Variants in PPFIA2 observed in about 807,000 individuals in gnomAD.
The protein encoded by PPFIA2 is liprin-alpha-2.
In PPFIA2, 46 loss-of-function variants were observed where a neutral mutation model predicts 175.5. The ratio of observed to expected loss-of-function variants is 0.26; its 90% CI spans 0.21 to 0.34. The LOEUF is 0.34. Among genes scored for constraint, PPFIA2 ranks in the 10% least tolerant of loss-of-function variants. The pLI is 1.00. For missense variants in PPFIA2, 1,179 were observed against 1,506.1 expected (o/e 0.78, Z 3.60); for synonymous variants, 568 against 511.4 (o/e 1.11, Z -1.49).
In PPFIA2 at chr12:81,368,252, G is replaced by C; in HGVS notation, c.1482+473C>G. On this transcript the variant is annotated intron_variant, in intron 13 of 32. Coordinates refer to ENST00000549396, the MANE Select transcript of PPFIA2 (RefSeq NM_003625.5). ...TGAAATAATGCAGCTGAAAATACTGGGTTCCTAAACCCTCTACTGGGATTG... is the reference window on the plus strand; with the variant it reads ...TGAAATAATGCAGCTGAAAATACTGCGTTCCTAAACCCTCTACTGGGATTG... 3 of 953,096 alleles carry C rather than the reference G, an allele frequency of 3.1e-6. No individual in the cohort carries two copies. In the South Asian group the frequency reaches 4.1e-5, roughly 13 times the overall value. The allele number at this position is 953,096 out of a possible 1,614,324, so 59.0% of individuals were successfully genotyped here.
chr12:81,534,591 T>G (rs2065115694), intron 4 of PPFIA2, among the ~76,000 whole-genome samples: 1 of 151,726 alleles, frequency 6.6e-6, no homozygotes, highest in South Asian at 2.1e-4. Flanking sequence ...GCACTAATAA[T>G]TTACTGTTAA....
intron 4 of PPFIA2, among the ~76,000 whole-genome samples, chr12:81,496,794 T>C (rs1464959441): frequency 6.6e-6 from 1 of 152,182 alleles, no homozygotes; most frequent in African/African-American, 2.4e-5. Context: ...TGTTGTTACA[T>C]TTATATGAGT....
intron 20 of PPFIA2, 106 bp from the exon 21 acceptor site, chr12:81,339,440 G>GT (rs2057683055): frequency 1.1e-6 from 1 of 903,640 alleles, no homozygotes; most frequent in African/African-American, 1.7e-5. Flanking sequence ...TTGTAATGTT[G>GT]TTTTTTCCCC....
At chr12:81,474,331 A>G (rs893458466) in intron 4 of PPFIA2, among the ~76,000 whole-genome samples, 1 of 152,034 alleles carries the variant, frequency 6.6e-6, no homozygotes, top group African/African-American at 2.4e-5. Flanking sequence ...TAATTTTTGT[A>G]TTTTTAGTAG....
intron 22 of PPFIA2, among the ~76,000 whole-genome samples, chr12:81,313,596 A>C (rs1473540067): frequency 6.6e-6 from 1 of 152,088 alleles, no homozygotes; most frequent in Non-Finnish European, 1.5e-5. Context: ...TTTTCACATC[A>C]TACACCCCAC....
At chr12:81,496,729 T>C (rs904233999) in intron 4 of PPFIA2, among the ~76,000 whole-genome samples, 11 of 152,164 alleles carry the variant, frequency 7.2e-5, no homozygotes, top group African/African-American at 2.2e-4. Context: ...AAATTCAACA[T>C]GTAGAAATAA....
At chr12:81,723,239 C>T (rs1398586597) in intron 3 of PPFIA2, among the ~76,000 whole-genome samples, 1 of 151,068 alleles carries the variant, frequency 6.6e-6, no homozygotes, top group Non-Finnish European at 1.5e-5. Context: ...TAGTTCACTG[C>T]ACTCTTCCTG....
chr12:81,613,401 CTATG>C, intron 4 of PPFIA2, among the ~76,000 whole-genome samples: 1 of 152,108 alleles, frequency 6.6e-6, no homozygotes, highest in East Asian at 1.9e-4. Context: ...CCATGCTCAT[CTATG>C]TATTATGTAG....
chr12:81,420,136 G>A (rs1192969108), intron 7 of PPFIA2, among the ~76,000 whole-genome samples: 2 of 152,156 alleles, frequency 1.3e-5, no homozygotes, highest in African/African-American at 4.8e-5. Flanking sequence ...CAGAGAAGAA[G>A]CTACCATACC....
At chr12:81,392,750 T>C (rs1344023505) in intron 8 of PPFIA2, among the ~76,000 whole-genome samples, 1 of 152,014 alleles carries the variant, frequency 6.6e-6, no homozygotes, top group East Asian at 1.9e-4. Flanking sequence ...ACTCAATATG[T>C]TTAAAATCTG....
At position 81,578,848 on chromosome 12, in the gene PPFIA2, G is replaced by A. The variant is rs182360119; in HGVS notation, c.303+97943C>T. Reference sequence around the variant, plus strand: ...TGTCTGCTCTGGGCTGATTTTGCTAGATATCATAAATGCCTGTATAGTGAT... The same window carrying A: ...TGTCTGCTCTGGGCTGATTTTGCTAAATATCATAAATGCCTGTATAGTGAT... On this transcript the variant is annotated intron_variant, in intron 4 of 32. Transcript: ENST00000549396. Among the ~76,000 whole-genome samples, 4 of 151,862 alleles carry A rather than the reference G, an allele frequency of 2.6e-5. No individual in the cohort carries two copies. The East Asian group carries it at 7.8e-4, about 30-fold the overall frequency.
chr12:81,649,879 G>A (rs537266988), intron 4 of PPFIA2, among the ~76,000 whole-genome samples: 2 of 152,304 alleles, frequency 1.3e-5, no homozygotes, highest in African/African-American at 4.8e-5. Context: ...TGGTATTAGT[G>A]TCAGTATAGT....
intron 4 of PPFIA2, among the ~76,000 whole-genome samples, chr12:81,498,662 T>TCA (rs1393792961): frequency 6.6e-6 from 1 of 152,198 alleles, no homozygotes; most frequent in East Asian, 1.9e-4. Context: ...TCTCACTCTG[T>TCA]CACCCAGGCT....
intron 4 of PPFIA2, among the ~76,000 whole-genome samples, chr12:81,655,459 G>C (rs1284668804): frequency 6.6e-6 from 1 of 150,960 alleles, no homozygotes; most frequent in East Asian, 1.9e-4. Context: ...CTCTAAGTTG[G>C]GTTTTAACTG....
At chr12:81,275,829 GAGTGC>G (rs1218170035) in intron 28 of PPFIA2, among the ~76,000 whole-genome samples, 16 of 150,524 alleles carry the variant, frequency 1.1e-4, no homozygotes, top group Non-Finnish European at 2.1e-4. Flanking sequence ...ACCCAGGCTG[GAGTGC>G]AGTGCAGTGG....
chr12:81,542,331 A>G (rs1472784512), intron 4 of PPFIA2, among the ~76,000 whole-genome samples: 3 of 152,148 alleles, frequency 2.0e-5, no homozygotes, highest in South Asian at 2.1e-4. Flanking sequence ...GGAAAGGAGC[A>G]TGGCTCTGCC....
chr12:81,540,907 A>G (rs2153340176), intron 4 of PPFIA2, among the ~76,000 whole-genome samples: 1 of 152,156 alleles, frequency 6.6e-6, no homozygotes, highest in African/African-American at 2.4e-5. Flanking sequence ...GAAGACAAAT[A>G]TGTCACAAAA....
At chr12:81,589,642 T>A (rs2058445057) in intron 4 of PPFIA2, among the ~76,000 whole-genome samples, 1 of 152,054 alleles carries the variant, frequency 6.6e-6, no homozygotes, top group Non-Finnish European at 1.5e-5. Context: ...TAATTAACAG[T>A]TTAGGCAGCA....
chr12:81,701,915 TAA>T (rs748051152), intron 3 of PPFIA2, among the ~76,000 whole-genome samples: 5 of 84,192 alleles, frequency 5.9e-5, no homozygotes, highest in African/African-American at 2.1e-4. Context: ...ATGGGAAGAC[TAA>T]AAAAAAAAAA....
Sources: gnomAD v4.1 joint callset for allele counts (sites outside exome capture counted in the v4.1 genomes callset) on GRCh38, gnomAD v4.1.1 for gene constraint, MANE v1.5 for transcripts, NCBI Gene and HGNC (gene_info 2026-07-23, HGNC 2026-07-21) for gene names.